CERS6: variants seen among roughly 807,000 people sequenced by gnomAD.
The protein encoded by CERS6 is LAG1 homolog, ceramide synthase 6.
A neutral mutation model predicts 56.8 loss-of-function variants in CERS6; 26 were observed. That is an observed-to-expected ratio of 0.46 (90% CI 0.34 to 0.63). CERS6 has a LOEUF of 0.63. CERS6 is among the 30% of genes least tolerant of loss of function. The pLI, the probability that CERS6 is intolerant of heterozygous loss-of-function variation, is 0.01. For synonymous variants in CERS6, 164 were observed against 173.3 expected (o/e 0.95, Z 0.42); for missense variants, 415 against 467.5 (o/e 0.89, Z 1.04).
intron 4 of CERS6, among the ~76,000 whole-genome samples, chr2:168,641,299 A>T (rs1390975049): frequency 6.6e-6 from 1 of 152,068 alleles, no homozygotes; most frequent in Non-Finnish European, 1.5e-5. Flanking sequence ...GATTGTAATC[A>T]GTTTAACCGA....
At chr2:168,751,243 A>C (rs1264432159) in intron 8 of CERS6, among the ~76,000 whole-genome samples, 1 of 152,196 alleles carries the variant, frequency 6.6e-6, no homozygotes, top group Non-Finnish European at 1.5e-5. Flanking sequence ...CAATGAGTTG[A>C]TCACCTTTTC....
rs1301106275 is a variant in CERS6, at chr2:168,610,336, C to T, written c.408-20649C>T. On this transcript the variant is annotated intron_variant, in intron 3 of 9. Transcript: ENST00000305747. ...AGATTTACAGCTGTTGCCCATCCAT[C>T]GGGAAGCAGCTTTGGAGATTAGCTT... Among the ~76,000 whole-genome samples the T allele has an allele frequency of 3.9e-5, 6 of 152,160 alleles. No individual in the cohort carries two copies. In the East Asian group the frequency reaches 9.7e-4, roughly 25 times the overall value.
intron 8 of CERS6, among the ~76,000 whole-genome samples, chr2:168,745,276 C>G (rs2105436390): frequency 6.6e-6 from 1 of 150,570 alleles, no homozygotes; most frequent in African/African-American, 2.4e-5. Context: ...GAGTCTTGCT[C>G]TGTCACCCAG....
chr2:168,652,849 C>G (rs1436181464), intron 4 of CERS6, among the ~76,000 whole-genome samples: 2 of 152,192 alleles, frequency 1.3e-5, no homozygotes, highest in Non-Finnish European at 2.9e-5. Context: ...GACACGTGCT[C>G]TTTCACATTC....
chr2:168,480,421 T>G (rs1192958585), intron 1 of CERS6, among the ~76,000 whole-genome samples: 1 of 152,188 alleles, frequency 6.6e-6, no homozygotes, highest in Admixed American at 6.5e-5. Context: ...TAATAAAATT[T>G]CATAGCTGGA....
At chr2:168,621,011 G>C (rs974627264) in intron 3 of CERS6, among the ~76,000 whole-genome samples, 4 of 152,080 alleles carry the variant, frequency 2.6e-5, no homozygotes, top group African/African-American at 7.2e-5. Context: ...AGTCTGCCCA[G>C]CTGGGGAAAT....
chr2:168,590,750 A>G (rs1683652310), intron 3 of CERS6, among the ~76,000 whole-genome samples: 1 of 152,154 alleles, frequency 6.6e-6, no homozygotes, highest in Non-Finnish European at 1.5e-5. Context: ...TAATACATTG[A>G]TTAACTTGTG....
chr2:168,717,967 A>C lies in CERS6; in HGVS notation c.834A>C (p.Ile278=), dbSNP rs765280487. The C allele has an allele frequency of 1.2e-6, 2 of 1,610,710 alleles. No homozygotes were observed. Among genetic ancestry groups the C allele is most frequent in the Middle Eastern group, 1.7e-4 (1 of 6,058 alleles). ...TTTTTATCACCACACGACTGGGTATATTTCCTCTCTGGTGAGTATGCCAGT... is the reference window on the plus strand; with the variant it reads ...TTTTTATCACCACACGACTGGGTATCTTTCCTCTCTGGTGAGTATGCCAGT... The part of the protein sequence containing the change: ...AVVFITTRLG[I]FPLWVLNTTL... Residue 278 remains isoleucine (I), a synonymous_variant, in exon 8 of 10, where the codon ATA becomes ATC. Coordinates refer to ENST00000305747, the MANE Select transcript of CERS6 (RefSeq NM_203463.3).
intron 3 of CERS6, among the ~76,000 whole-genome samples, chr2:168,579,934 C>T (rs1338457216): frequency 6.6e-6 from 1 of 152,196 alleles, no homozygotes; most frequent in Admixed American, 6.5e-5. Context: ...CTGCATCTCC[C>T]TAGTGCCCCC....
At chr2:168,494,649 G>A (rs999060065) in intron 1 of CERS6, among the ~76,000 whole-genome samples, 1 of 152,136 alleles carries the variant, frequency 6.6e-6, no homozygotes, top group Non-Finnish European at 1.5e-5. Context: ...TCAAGAGACC[G>A]AAGAAGAGAC....
intron 3 of CERS6, among the ~76,000 whole-genome samples, chr2:168,604,262 T>G (rs1453171926): frequency 1.3e-5 from 2 of 152,238 alleles, no homozygotes; most frequent in East Asian, 3.8e-4. Context: ...CTTGAAAGGT[T>G]ATGCTTTTCA....
In CERS6 at chr2:168,467,126, A is replaced by G. The variant is rs866696235; in HGVS notation, c.170+10508A>G. 3.3e-5 allele frequency among the ~76,000 whole-genome samples: 5 copies of G among 152,210 alleles called. No individual in the cohort carries two copies. In the South Asian group the frequency reaches 1.0e-3, roughly 32 times the overall value. On this transcript the variant is annotated intron_variant, in intron 1 of 9. Coordinates refer to ENST00000305747, the MANE Select transcript of CERS6 (RefSeq NM_203463.3). Reference sequence around the variant, plus strand: ...CTGATACAGACCCTTTCTTAAAGACACGGGGAAGTCTTTGAGAGAAGAGGA... The same window carrying G: ...CTGATACAGACCCTTTCTTAAAGACGCGGGGAAGTCTTTGAGAGAAGAGGA...
chr2:168,474,099 T>C (rs779827674), intron 1 of CERS6, among the ~76,000 whole-genome samples: 5 of 152,214 alleles, frequency 3.3e-5, no homozygotes, highest in South Asian at 2.1e-4. Context: ...TGGTATATTC[T>C]GAGTCTTGCT....
chr2:168,463,046 C>T (rs1210770032), intron 1 of CERS6, among the ~76,000 whole-genome samples: 4 of 152,084 alleles, frequency 2.6e-5, no homozygotes, highest in East Asian at 1.9e-4. Context: ...TTTTACTTTA[C>T]GTGGTTACTT....
Position 168,650,164 on chromosome 2 carries a change from CA to C in CERS6, c.465+19123del, listed in dbSNP as rs1179535302. Among the ~76,000 whole-genome samples the C allele has an allele frequency of 5.3e-5, 8 of 152,294 alleles. No homozygotes were observed. The South Asian group carries it at 8.3e-4, about 16-fold the overall frequency. On this transcript the variant is annotated intron_variant, in intron 4 of 9. Transcript: ENST00000305747. ...CTTGCTCCAGGTTTAATTCTGACAT[CA>C]GGGGAATAGATAGCTGAAGCCAAAG...
intron 4 of CERS6, among the ~76,000 whole-genome samples, chr2:168,676,289 T>C (rs571307775): frequency 9.8e-5 from 15 of 152,360 alleles, no homozygotes; most frequent in Admixed American, 7.2e-4. Flanking sequence ...TTAACATCTA[T>C]TAATCTCTTC....
chr2:168,633,933 C>A (rs909821880), intron 4 of CERS6, among the ~76,000 whole-genome samples: 2 of 152,180 alleles, frequency 1.3e-5, no homozygotes, highest in African/African-American at 4.8e-5. Flanking sequence ...GCTACAGCTG[C>A]CTCTTACTTC....
intron 1 of CERS6, among the ~76,000 whole-genome samples, chr2:168,516,355 AATATC>A (rs1490431529): frequency 6.6e-6 from 1 of 152,188 alleles, no homozygotes; most frequent in Non-Finnish European, 1.5e-5. Flanking sequence ...TATACTATGT[AATATC>A]ATATAATAAA....
intron 1 of CERS6, among the ~76,000 whole-genome samples, chr2:168,507,994 T>C (rs1840172): frequency 0.073 from 11,079 of 152,254 alleles, 758 homozygotes; most frequent in East Asian, 0.18. Context: ...TGCCATCTAT[T>C]CTTAGACAGT....
Sources: allele counts gnomAD v4.1 joint callset (sites outside exome capture counted in the v4.1 genomes callset), GRCh38; gene constraint gnomAD v4.1.1; transcripts MANE v1.5; gene names NCBI Gene and HGNC (gene_info 2026-07-23, HGNC 2026-07-21).